Variants in SAP130 observed in about 807,000 individuals in gnomAD.
SAP130 encodes the protein Sin3A associated protein 130, also known as histone deacetylase complex subunit SAP130.
SAP130 carries 16 observed loss-of-function variants against 103.2 expected under a neutral mutation model. That is an observed-to-expected ratio of 0.16 (90% CI 0.10 to 0.24). The LOEUF (loss-of-function observed/expected upper bound fraction) is 0.24. Ranked by LOEUF, SAP130 falls within the 10% of genes least tolerant of loss-of-function variation. The pLI is 1.00. For synonymous variants in SAP130, 477 were observed against 497.0 expected (o/e 0.96, Z 0.53); for missense variants, 990 against 1,359.7 (o/e 0.73, Z 4.28).
intron 15 of SAP130, among the ~76,000 whole-genome samples, chr2:127,975,359 T>C (rs574342585): frequency 3.9e-5 from 6 of 152,182 alleles, no homozygotes; most frequent in East Asian, 1.9e-4. Context: ...TGTATGTGAT[T>C]TGAAGATTTC....
At chr2:127,990,569 T>C (rs1391771606) in intron 12 of SAP130, among the ~76,000 whole-genome samples, 3 of 152,160 alleles carry the variant, frequency 2.0e-5, no homozygotes, top group East Asian at 1.9e-4. Flanking sequence ...CTTACAATGT[T>C]TGAAATTTTA....
intron 12 of SAP130, among the ~76,000 whole-genome samples, chr2:127,992,927 T>C (rs1202417390): frequency 6.6e-6 from 1 of 152,196 alleles, no homozygotes; most frequent in African/African-American, 2.4e-5. Context: ...GTAACTACTG[T>C]CATTTTAAGG....
In SAP130 at chr2:128,000,069, T is replaced by A; in HGVS notation, c.1095A>T (p.Ser365=). Residue 365 remains serine (S), a synonymous_variant, in exon 9 of 21, where the codon TCA becomes TCT. Coordinates refer to ENST00000643581, the MANE Select transcript of SAP130 (RefSeq NM_001330301.2). ...APILATNTIP[S]ATTAGSVSHT... Reference sequence around the variant, plus strand: ...TCGTGGACTTACCAGCTGTGGTCGCTGAAGGAATGGTGTTGGTTGCCAAAA... The same window carrying A: ...TCGTGGACTTACCAGCTGTGGTCGCAGAAGGAATGGTGTTGGTTGCCAAAA... The A allele has an allele frequency of 6.2e-7, 1 of 1,614,082 alleles. No individual in the cohort carries two copies. The highest frequency in any genetic ancestry group is 8.5e-7 in the Non-Finnish European group (1 of 1,179,974).
chr2:128,003,533 C>T (rs1219398612), intron 7 of SAP130, among the ~76,000 whole-genome samples: 3 of 150,876 alleles, frequency 2.0e-5, no homozygotes, highest in Admixed American at 2.0e-4. Context: ...CCTGGGACTA[C>T]AGGTGGGCGT....
chr2:128,019,288 A>C (rs1283308935), intron 2 of SAP130, among the ~76,000 whole-genome samples: 1 of 151,740 alleles, frequency 6.6e-6, no homozygotes, highest in African/African-American at 2.4e-5. Context: ...TTTTTTTTTG[A>C]GACAAGGTCT....
intron 16 of SAP130, among the ~76,000 whole-genome samples, chr2:127,952,673 C>T (rs994698285): frequency 5.3e-5 from 8 of 152,144 alleles, no homozygotes; most frequent in Admixed American, 4.6e-4. Flanking sequence ...CCAAAGGTCA[C>T]TGCTCAGACC....
intron 15 of SAP130, among the ~76,000 whole-genome samples, chr2:127,966,211 C>T (rs975655448): frequency 1.3e-5 from 2 of 151,866 alleles, no homozygotes; most frequent in Admixed American, 6.6e-5. Flanking sequence ...GGCATGGTGG[C>T]GTGCGCCTGT....
At position 127,965,078 on chromosome 2, in the gene SAP130, C is replaced by T. The variant is rs896864416; in HGVS notation, c.2064-9734G>A. On this transcript the variant is annotated intron_variant, in intron 15 of 20. Coordinates refer to ENST00000643581, the MANE Select transcript of SAP130 (RefSeq NM_001330301.2). ...TTGGGAGGCCAAGGTGGGCAGATCGCGAGGTCAGGAGATCAAGACCATCCT... is the reference window on the plus strand; with the variant it reads ...TTGGGAGGCCAAGGTGGGCAGATCGTGAGGTCAGGAGATCAAGACCATCCT... 3.3e-5 allele frequency among the ~76,000 whole-genome samples: 5 copies of T among 150,600 alleles called. No individual in the cohort carries two copies. In the South Asian group the frequency reaches 6.3e-4, roughly 19 times the overall value.
intron 19 of SAP130, among the ~76,000 whole-genome samples, chr2:127,943,273 C>T (rs1325014606): frequency 6.6e-6 from 1 of 152,168 alleles, no homozygotes; most frequent in Non-Finnish European, 1.5e-5. Context: ...GAGGTTGTTG[C>T]CTCCTCTTCA....
intron 6 of SAP130, among the ~76,000 whole-genome samples, chr2:128,011,343 T>C (rs974593621): frequency 1.3e-5 from 2 of 152,242 alleles, no homozygotes; most frequent in African/African-American, 4.8e-5. Context: ...AGCTCCACAC[T>C]GGGCTTCATC....
chr2:128,018,334 A>C (rs1684917206), intron 2 of SAP130, among the ~76,000 whole-genome samples: 1 of 148,960 alleles, frequency 6.7e-6, no homozygotes. Context: ...AAAAAAAACA[A>C]ACCAAAAACC....
At chr2:127,947,775 T>TGTGTGTGTGTGTGA (rs2104708341) in intron 18 of SAP130, among the ~76,000 whole-genome samples, 1 of 16,498 alleles carries the variant, frequency 6.1e-5, no homozygotes, top group Non-Finnish European at 4.8e-4. Context: ...TGTGTGTGTG[T>TGTGTGTGTGTGTGA]GTGTGTGTGT....
At chr2:127,954,537 T>C (rs1357786084) in intron 16 of SAP130, among the ~76,000 whole-genome samples, 1 of 152,140 alleles carries the variant, frequency 6.6e-6, no homozygotes, top group Non-Finnish European at 1.5e-5. Flanking sequence ...GAGAAATGAA[T>C]TGTTTTAAGA....
intron 2 of SAP130, among the ~76,000 whole-genome samples, chr2:128,020,976 C>G (rs1186613627): frequency 6.6e-6 from 1 of 151,910 alleles, no homozygotes; most frequent in Non-Finnish European, 1.5e-5. Flanking sequence ...GGCAACGAAG[C>G]AAGACTCTGT....
intron 15 of SAP130, among the ~76,000 whole-genome samples, chr2:127,971,186 C>T (rs1466085198): frequency 1.3e-5 from 2 of 151,982 alleles, no homozygotes; most frequent in Admixed American, 6.6e-5. Context: ...CCCCCGGGCT[C>T]CCCCCATCTG....
Position 127,949,876 on chromosome 2 carries a change from C to A in SAP130, c.2790G>T (p.Arg930=). 3 of 1,614,018 alleles carry A rather than the reference C, an allele frequency of 1.9e-6. No individual in the cohort carries two copies. The highest frequency in any genetic ancestry group is 2.5e-6 in the Non-Finnish European group (3 of 1,179,974). ...GTTTCTGGGGAAACTAACCTTTGAC[C>A]CGGACGTCACTGTACCTCTGAAAGT... The part of the protein sequence containing the change: ...YHHFQRYSDV[R]VKEEKKAMLQ... Residue 930 remains arginine (R), a synonymous_variant, in exon 18 of 21, where the codon CGG becomes CGT. Transcript: ENST00000643581.
At chr2:127,975,576 T>C (rs981598840) in intron 15 of SAP130, among the ~76,000 whole-genome samples, 8 of 152,162 alleles carry the variant, frequency 5.3e-5, no homozygotes, top group African/African-American at 1.9e-4. Flanking sequence ...CAAAAAAAAT[T>C]ACAATTATTC....
At chr2:128,021,230 C>CCT (rs1685131866) in intron 2 of SAP130, among the ~76,000 whole-genome samples, 1 of 152,028 alleles carries the variant, frequency 6.6e-6, no homozygotes, top group African/African-American at 2.4e-5. Context: ...GGGCGGATCA[C>CCT]AAAGTCAGGA....
At chr2:128,018,097 G>C (rs778911844) in intron 2 of SAP130, among the ~76,000 whole-genome samples, 182 bp from the exon 3 acceptor site, 39 of 152,056 alleles carry the variant, frequency 2.6e-4, no homozygotes, top group Non-Finnish European at 4.1e-4. Context: ...AGACAAAAGA[G>C]CCACAACTGT....
Sources: gnomAD v4.1 joint callset for allele counts (sites outside exome capture counted in the v4.1 genomes callset) on GRCh38, gnomAD v4.1.1 for gene constraint, MANE v1.5 for transcripts, NCBI Gene and HGNC (gene_info 2026-07-23, HGNC 2026-07-21) for gene names.